The following CD47 variants were observed in gnomAD, a reference collection of about 807,000 sequenced individuals.
CD47 encodes CD47 molecule, also known as leukocyte surface antigen CD47.
CD47 carries 11 observed loss-of-function variants against 44.6 expected under a neutral mutation model. The observed-to-expected ratio is 0.25, with a 90% CI of 0.16 to 0.41. The LOEUF is 0.41. CD47 is among the 10% of genes least tolerant of loss of function. CD47 has a pLI of 1.00. For synonymous variants in CD47, 140 were observed against 136.3 expected, an observed-to-expected ratio of 1.03 and a Z score of -0.19; for missense variants, 306 against 386.7, an observed-to-expected ratio of 0.79 and a Z score of 1.75.
At chr3:108,054,604 C>T (rs536222428) in intron 7 of CD47, 4 of 152,288 alleles carry the variant, frequency 2.6e-5, no homozygotes, top group African/African-American at 9.6e-5. Context: ...ACTTGCAATG[C>T]TTCTTGATTT....
intron 3 of CD47, among the ~76,000 whole-genome samples, chr3:108,067,914 G>T (rs951038612): frequency 6.6e-6 from 1 of 152,120 alleles, no homozygotes; most frequent in African/African-American, 2.4e-5. Flanking sequence ...TCCTCAGAGT[G>T]AGCAAATGAG....
chr3:108,085,766 G>T (rs929140317), intron 1 of CD47, among the ~76,000 whole-genome samples: 1 of 152,098 alleles, frequency 6.6e-6, no homozygotes, highest in African/African-American at 2.4e-5. Context: ...CCTTCCTTGT[G>T]AATGTAAAAA....
chr3:108,058,997 T>C (rs1331356905), intron 5 of CD47, among the ~76,000 whole-genome samples: 1 of 152,184 alleles, frequency 6.6e-6, no homozygotes, highest in Non-Finnish European at 1.5e-5. Context: ...TTCCATACCA[T>C]CTCTTAAAAC....
At chr3:108,069,576 AC>A (rs2079161994) in intron 3 of CD47, among the ~76,000 whole-genome samples, 1 of 150,406 alleles carries the variant, frequency 6.6e-6, no homozygotes, top group South Asian at 2.1e-4. Flanking sequence ...GATATGTATG[AC>A]TTTTTTAAGT....
chr3:108,063,786 C>T (rs148234539), intron 3 of CD47, among the ~76,000 whole-genome samples: 2 of 152,124 alleles, frequency 1.3e-5, no homozygotes, highest in East Asian at 3.9e-4. Context: ...TTAAAATCTG[C>T]ATGCTCTTAA....
intron 1 of CD47, among the ~76,000 whole-genome samples, chr3:108,089,108 A>G (rs1024379891): frequency 1.5e-4 from 23 of 152,216 alleles, no homozygotes; most frequent in Non-Finnish European, 2.1e-4. Context: ...TGTCCTTTTG[A>G]AGCTATATAT....
At chr3:108,085,830 T>C (rs2079510421) in intron 1 of CD47, among the ~76,000 whole-genome samples, 2 of 152,142 alleles carry the variant, frequency 1.3e-5, no homozygotes, top group Admixed American at 6.5e-5. Flanking sequence ...TGGGAGAAGA[T>C]AGATTTTTCT....
intron 3 of CD47, among the ~76,000 whole-genome samples, chr3:108,066,696 C>T (rs758538562): frequency 6.6e-6 from 1 of 152,104 alleles, no homozygotes; most frequent in Non-Finnish European, 1.5e-5. Flanking sequence ...GAAATAAAAA[C>T]TGACAAATGC....
chr3:108,087,139 C>T (rs1013378276), intron 1 of CD47, among the ~76,000 whole-genome samples: 1 of 152,094 alleles, frequency 6.6e-6, no homozygotes, highest in Admixed American at 6.5e-5. Context: ...CAAAGATCAT[C>T]AGTAAAGACA....
Position 108,060,788 on chromosome 3 carries a change from C to T in CD47, c.555G>A (p.Val185=). 6.2e-7 allele frequency: 1 copy of T among 1,613,708 alleles called. No individual in the cohort carries two copies. Among genetic ancestry groups the T allele is most frequent in the African/African-American group, 1.3e-5 (1 of 75,022 alleles). Residue 185 remains valine (V), a synonymous_variant, in exon 4 of 11, where the codon GTG becomes GTA. Coordinates refer to ENST00000361309, the MANE Select transcript of CD47 (RefSeq NM_001777.4). ...KTIALLVAGL[V]ITVIVIVGAI... ...CTCCAACAATGACAATGACAGTGATCACTAGTCCAGCAACAAGTAAAGCAA... is the reference window on the plus strand; with the variant it reads ...CTCCAACAATGACAATGACAGTGATTACTAGTCCAGCAACAAGTAAAGCAA...
chr3:108,084,180 T>G (rs955983856), intron 1 of CD47, among the ~76,000 whole-genome samples: 1 of 152,034 alleles, frequency 6.6e-6, no homozygotes, highest in East Asian at 1.9e-4. Flanking sequence ...TCCTTAAATC[T>G]GTTACGTGGC....
chr3:108,054,926 T>C (rs1054269962), intron 7 of CD47, among the ~76,000 whole-genome samples: 1 of 152,180 alleles, frequency 6.6e-6, no homozygotes, highest in African/African-American at 2.4e-5. Flanking sequence ...TATTGATCCT[T>C]ATAATTATAT....
In CD47 at chr3:108,047,205, A is replaced by G. The variant is rs2078734158; in HGVS notation, c.*83T>C. 1.7e-6 allele frequency: 2 copies of G among 1,147,614 alleles called. No homozygotes were observed. Among genetic ancestry groups the G allele is most frequent in the Non-Finnish European group, 2.6e-6 (2 of 775,200 alleles). 71.1% of individuals were successfully genotyped at this position (1,147,614 alleles called of 1,614,324 possible). A position where few individuals can be genotyped will look rare whatever the true frequency, so the allele number is the denominator to read the frequency against. On this transcript the variant is annotated 3_prime_UTR_variant, in exon 11 of 11. Coordinates refer to ENST00000361309, the MANE Select transcript of CD47 (RefSeq NM_001777.4). ...TGTTTCTTCTCCCCAACAGTGAATC[A>G]TCAAGGCCATGGTGCTTAAACACAA...
chr3:108,062,530 A>G (rs2079032073), intron 3 of CD47, among the ~76,000 whole-genome samples: 1 of 152,198 alleles, frequency 6.6e-6, no homozygotes, highest in African/African-American at 2.4e-5. Flanking sequence ...GTTTAAGTCA[A>G]TGCATAAAAA....
chr3:108,043,518 G>A lies in CD47; in HGVS notation c.*3770C>T, dbSNP rs559501102. The A allele has an allele frequency of 6.6e-6, 1 of 152,238 alleles. No individual in the cohort carries two copies. Among genetic ancestry groups the A allele is most frequent in the East Asian group, 1.9e-4 (1 of 5,176 alleles). 9.4% of individuals were successfully genotyped at this position (152,238 alleles called of 1,614,324 possible). A position where few individuals can be genotyped will look rare whatever the true frequency, so the allele number is the denominator to read the frequency against. ...AAATCACTGCAAAAAAATGGCTACT[G>A]ACAAATAGCACACCTTTAATTGCTA... is the stretch of plus-strand genomic sequence containing the variant. On this transcript the variant is annotated 3_prime_UTR_variant, in exon 11 of 11. Transcript: ENST00000361309.
chr3:108,070,484 C>T (rs899272170), intron 3 of CD47, among the ~76,000 whole-genome samples: 3 of 152,134 alleles, frequency 2.0e-5, no homozygotes, highest in African/African-American at 7.2e-5. Flanking sequence ...GTTGTTGAAG[C>T]TAAATCTAAT....
chr3:108,070,489 T>C (rs1258310202), intron 3 of CD47, among the ~76,000 whole-genome samples: 3 of 152,220 alleles, frequency 2.0e-5, no homozygotes, highest in Non-Finnish European at 2.9e-5. Context: ...TGAAGCTAAA[T>C]CTAATGCAGC....
At chr3:108,048,664 G>T (rs1040976397) in intron 10 of CD47, among the ~76,000 whole-genome samples, 15 of 152,006 alleles carry the variant, frequency 9.9e-5, no homozygotes, top group African/African-American at 4.8e-5. Flanking sequence ...GATTACAGGC[G>T]TGAGCCACCG....
At chr3:108,049,706 C>T (rs976822078) in intron 9 of CD47, 55 bp from the exon 10 acceptor site, 1 of 1,308,310 alleles carries the variant, frequency 7.6e-7, no homozygotes, top group Non-Finnish European at 1.1e-6. Flanking sequence ...AATTGGAAAT[C>T]ATTTCTAAAT....
Sources: allele counts gnomAD v4.1 joint callset (sites outside exome capture counted in the v4.1 genomes callset), GRCh38; gene constraint gnomAD v4.1.1; transcripts MANE v1.5; gene names NCBI Gene and HGNC (gene_info 2026-07-23, HGNC 2026-07-21).